Variants in MRTFB observed in about 807,000 individuals in gnomAD.
The protein encoded by MRTFB is myocardin-related transcription factor B.
MRTFB carries 29 observed loss-of-function variants against 104.2 expected under a neutral mutation model. The ratio of observed to expected loss-of-function variants is 0.28; its 90% confidence interval spans 0.21 to 0.38. The LOEUF is 0.38. Among genes scored for constraint, MRTFB ranks in the 10% least tolerant of loss-of-function variants. MRTFB has a pLI of 1.00. For missense variants in MRTFB, 1,270 were observed against 1,341.6 expected (o/e 0.95, Z 0.83); for synonymous variants, 535 against 519.5 (o/e 1.03, Z -0.41).
At chr16:14,129,333 G>A (rs1053265336) in intron 2 of MRTFB, among the ~76,000 whole-genome samples, 32 of 152,222 alleles carry the variant, frequency 2.1e-4, no homozygotes, top group African/African-American at 7.7e-4. Context: ...TAAATTTAGA[G>A]TTGTACAGTC....
intron 3 of MRTFB, among the ~76,000 whole-genome samples, chr16:14,167,154 C>T (rs920021371): frequency 6.6e-6 from 1 of 152,216 alleles, no homozygotes; most frequent in Non-Finnish European, 1.5e-5. Context: ...TATTTCTCCG[C>T]AGCCTTACCA....
chr16:14,192,395 T>C (rs140817206), intron 3 of MRTFB, among the ~76,000 whole-genome samples: 1 of 152,216 alleles, frequency 6.6e-6, no homozygotes, highest in East Asian at 1.9e-4. Context: ...TTTGAAAAGA[T>C]ACGAGATATG....
rs2036867875 is a variant in MRTFB, at chr16:14,122,001, C to G, written c.-63-18543C>G. On this transcript the variant is annotated intron_variant, in intron 2 of 16. Transcript: ENST00000571589. ...ATTCTCTGTCACTCTCTACCAGCCT[C>G]CTGACTTTCTTCTCTCTTTTACCTC... 3.3e-5 allele frequency among the ~76,000 whole-genome samples: 5 copies of G among 152,142 alleles called. No homozygotes were observed. In the South Asian group the frequency reaches 1.0e-3, roughly 32 times the overall value.
the MRTFB span, among the ~76,000 whole-genome samples, chr16:14,012,301 T>TTTTG: frequency 2.2e-5 from 3 of 135,172 alleles, no homozygotes; most frequent in African/African-American, 9.2e-5. Context: ...CTTTCTTTCT[T>TTTTG]TTTTTTTTTT....
upstream of MRTFB, among the ~76,000 whole-genome samples, chr16:14,070,146 C>T (rs2033603426): frequency 6.6e-6 from 1 of 152,296 alleles, no homozygotes; most frequent in South Asian, 2.1e-4. Flanking sequence ...CTCCAGGGCT[C>T]CTGATCTTAC....
chr16:14,201,257 G>A (rs2040690029), intron 3 of MRTFB, among the ~76,000 whole-genome samples: 1 of 152,216 alleles, frequency 6.6e-6, no homozygotes, highest in Non-Finnish European at 1.5e-5. Flanking sequence ...TGTAATATCA[G>A]TATATCCCAA....
intron 10 of MRTFB, among the ~76,000 whole-genome samples, chr16:14,242,218 G>A (rs2042804007): frequency 6.6e-6 from 1 of 152,012 alleles, no homozygotes; most frequent in Admixed American, 6.6e-5. Flanking sequence ...CTGTGCGACT[G>A]GCTTTGTAGA....
chr16:14,019,827 T>G, the MRTFB span, among the ~76,000 whole-genome samples: 1 of 131,102 alleles, frequency 7.6e-6, no homozygotes, highest in African/African-American at 2.5e-5. Flanking sequence ...CTATTATAGA[T>G]CCAAAAAAGG....
chr16:14,212,316 C>A, intron 4 of MRTFB, 38 bp from the exon 5 acceptor site: 1 of 1,592,620 alleles, frequency 6.3e-7, no homozygotes, highest in African/African-American at 1.3e-5. Flanking sequence ...GAAGTATGAA[C>A]TCTATTTATA....
chr16:14,092,364 A>G (rs966142159), intron 2 of MRTFB, among the ~76,000 whole-genome samples: 15 of 152,274 alleles, frequency 9.9e-5, no homozygotes, highest in Middle Eastern at 3.4e-3. Context: ...AGATTGTTTG[A>G]TTGGATCTCA....
At chr16:14,008,316 T>G in the MRTFB span, among the ~76,000 whole-genome samples, 3 of 152,238 alleles carry the variant, frequency 2.0e-5, no homozygotes, top group Middle Eastern at 3.2e-3. Flanking sequence ...TATGTTTTCT[T>G]CTAAGAGTTT....
chr16:14,207,364 G>T (rs1324694248), intron 3 of MRTFB, among the ~76,000 whole-genome samples: 6 of 152,182 alleles, frequency 3.9e-5, no homozygotes, highest in Non-Finnish European at 8.8e-5. Flanking sequence ...TTGGTGGTTG[G>T]TGTCTACGAT....
At chr16:14,194,102 A>C (rs372208110) in intron 3 of MRTFB, among the ~76,000 whole-genome samples, 17 of 152,354 alleles carry the variant, frequency 1.1e-4, no homozygotes, top group African/African-American at 3.8e-4. Context: ...TGTTTCCTAA[A>C]GATAGCTTTA....
chr16:14,224,187 G>GC (rs1349147003), intron 8 of MRTFB, among the ~76,000 whole-genome samples: 8 of 152,146 alleles, frequency 5.3e-5, no homozygotes, highest in Non-Finnish European at 8.8e-5. Context: ...GGGGAAGTCT[G>GC]CCCCCATGAT....
the MRTFB span, among the ~76,000 whole-genome samples, chr16:14,029,419 AAT>A: frequency 6.1e-3 from 545 of 88,878 alleles, 3 homozygotes; most frequent in Non-Finnish European, 8.8e-3. Context: ...AAAAAAAAAA[AAT>A]ATATATATAT....
intron 8 of MRTFB, among the ~76,000 whole-genome samples, chr16:14,233,482 G>A (rs534004543): frequency 1.3e-5 from 2 of 152,238 alleles, no homozygotes; most frequent in East Asian, 1.9e-4. Context: ...GTATAGCAAA[G>A]GGACTTTATG....
chr16:14,058,227 C>A, the MRTFB span, among the ~76,000 whole-genome samples: 2 of 152,048 alleles, frequency 1.3e-5, no homozygotes, highest in African/African-American at 2.4e-5. Context: ...ACTCATTTCG[C>A]GAATTCCAAG....
chr16:14,104,944 A>T (rs537550457), intron 2 of MRTFB, among the ~76,000 whole-genome samples: 1 of 152,262 alleles, frequency 6.6e-6, no homozygotes, highest in Admixed American at 6.5e-5. Flanking sequence ...CTGCTTCGTT[A>T]TCCTTGTTAG....
At position 14,140,704 on chromosome 16, in the gene MRTFB, A is replaced by G; in HGVS notation, c.98A>G (p.Gln33Arg). Residue 33 changes from glutamine (Q) to arginine (R), a missense_variant, in exon 3 of 17, where the codon CAG (glutamine) becomes CGG (arginine). Physicochemically the swap from Gln to Arg is conservative, Grantham distance 43 (BLOSUM62 1). Around this residue, in one of 3 missense-constraint regions of MRTFB, gnomAD observed 62 missense variants for 57.2 expected, o/e 1.08. Coordinates refer to ENST00000571589, the MANE Select transcript of MRTFB (RefSeq NM_001308142.2). ...AGTGAAGCTGTGGCTCATGAATTCC[A>G]GGAACTCTCCTTGCAGTCCAGTCAA... ...PQSEAVAHEF[Q>R]ELSLQSSQNL... 4 of 1,614,168 alleles carry G rather than the reference A, an allele frequency of 2.5e-6. No homozygotes were observed. Among genetic ancestry groups the G allele is most frequent in the Non-Finnish European group, 3.4e-6 (4 of 1,180,028 alleles).
Sources: allele counts gnomAD v4.1 joint callset (sites outside exome capture counted in the v4.1 genomes callset), GRCh38; gene constraint gnomAD v4.1.1; regional missense constraint gnomAD v4.1.1; transcripts MANE v1.5; gene names NCBI Gene and HGNC (gene_info 2026-07-23, HGNC 2026-07-21).